CSTF3: variants seen among roughly 807,000 people sequenced by gnomAD.
CSTF3 encodes CF-1 77 kDa subunit.
A neutral mutation model predicts 105.8 loss-of-function variants in CSTF3; 29 were observed. That is an observed-to-expected ratio of 0.27 (90% CI 0.20 to 0.37). The LOEUF is 0.37. Ranked by LOEUF, CSTF3 falls within the 10% of genes least tolerant of loss-of-function variation. CSTF3 has a pLI of 1.00. For missense variants in CSTF3, 357 were observed against 879.3 expected (o/e 0.41, Z 7.51); for synonymous variants, 252 against 281.9 (o/e 0.89, Z 1.06).
At chr11:33,106,997 G>A (rs1056551247) in intron 5 of CSTF3, among the ~76,000 whole-genome samples, 4 of 152,150 alleles carry the variant, frequency 2.6e-5, no homozygotes, top group African/African-American at 7.2e-5. Context: ...CAGACCAGGT[G>A]TGGTGGTTTA....
At chr11:33,127,373 G>A (rs930373230) in intron 3 of CSTF3, among the ~76,000 whole-genome samples, 14 of 152,114 alleles carry the variant, frequency 9.2e-5, no homozygotes, top group Admixed American at 6.6e-5. Context: ...TTAAAAAATT[G>A]TATCAGAACT....
At chr11:33,126,535 T>TAC (rs1159037352) in intron 3 of CSTF3, among the ~76,000 whole-genome samples, 1 of 152,190 alleles carries the variant, frequency 6.6e-6, no homozygotes. Flanking sequence ...CTGAAATACT[T>TAC]AAATATTTAG....
intron 1 of CSTF3, among the ~76,000 whole-genome samples, chr11:33,158,500 G>A (rs1476989586): frequency 6.6e-6 from 1 of 152,110 alleles, no homozygotes; most frequent in Non-Finnish European, 1.5e-5. Flanking sequence ...TACTTCCAAT[G>A]TAAGAGCTGA....
intron 15 of CSTF3, among the ~76,000 whole-genome samples, chr11:33,095,681 C>G (rs1257299409): frequency 6.6e-6 from 1 of 151,226 alleles, no homozygotes; most frequent in African/African-American, 2.4e-5. Context: ...ATTAGCCGGG[C>G]GAGGTGGCGG....
Position 33,099,027 on chromosome 11 carries a change from T to C in CSTF3, c.1053+7A>G. 6.4e-7 allele frequency: 1 copy of C among 1,562,896 alleles called. No homozygotes were observed. The highest frequency in any genetic ancestry group is 1.2e-5 in the South Asian group (1 of 81,774). ...ATTATAAGAAGGCTCTAAACATTTT[T>C]ACTTACCTCTTCATAATCTGCATAT... On this transcript the variant is annotated splice_region_variant and intron_variant, in intron 12 of 20. Transcript: ENST00000323959. The surrounding 1 kb of genome is among the most constrained non-coding windows in gnomAD (Gnocchi z 4.1).
intron 3 of CSTF3, among the ~76,000 whole-genome samples, chr11:33,111,665 C>T (rs144254464): frequency 3.0e-4 from 46 of 152,186 alleles, no homozygotes; most frequent in Middle Eastern, 6.8e-3. Flanking sequence ...TGTATATCTA[C>T]GAAATAACCA....
At chr11:33,106,236 C>A (rs1465745902) in intron 5 of CSTF3, among the ~76,000 whole-genome samples, 172 bp from the exon 6 acceptor site, 1 of 151,770 alleles carries the variant, frequency 6.6e-6, no homozygotes, top group Non-Finnish European at 1.5e-5. Flanking sequence ...ATAGCAAAAC[C>A]CAGTCTCTAA....
At chr11:33,092,179 T>G (rs1231254037) in intron 16 of CSTF3, 92 bp downstream of exon 16, 1 of 768,252 alleles carries the variant, frequency 1.3e-6, no homozygotes, top group Non-Finnish European at 2.0e-6. Context: ...CTCTTGAAAC[T>G]CATACTCAAG....
chr11:33,098,958 A>G, intron 12 of CSTF3, 76 bp downstream of exon 12: 1 of 1,511,956 alleles, frequency 6.6e-7, no homozygotes, highest in Non-Finnish European at 8.8e-7. Context: ...TGCCTGGCAA[A>G]CAAGCAGCCA....
chr11:33,085,374 G>C, intron 20 of CSTF3, 85 bp from the exon 21 acceptor site: 1 of 596,744 alleles, frequency 1.7e-6, no homozygotes, highest in Non-Finnish European at 2.6e-6. Context: ...TTATTTCATA[G>C]CCTACTATTT....
chr11:33,098,809 T>C, intron 12 of CSTF3, 45 bp from the exon 13 acceptor site: 1 of 1,369,814 alleles, frequency 7.3e-7, no homozygotes, highest in Non-Finnish European at 9.8e-7. Flanking sequence ...TGGTCATAAA[T>C]AAGCAGGATT....
chr11:33,124,639 T>A (rs1855525290), intron 3 of CSTF3, among the ~76,000 whole-genome samples: 1 of 152,196 alleles, frequency 6.6e-6, no homozygotes, highest in South Asian at 2.1e-4. Context: ...ACAGAGTGAC[T>A]TTAGGCTAGG....
rs182863409 is a variant in CSTF3 at position 33,109,607 on chromosome 11, A to G, written c.226-1189T>C. 1.2e-4 allele frequency among the ~76,000 whole-genome samples: 19 copies of G among 152,250 alleles called. No individual in the cohort carries two copies. The East Asian group carries it at 1.7e-3, about 14-fold the overall frequency. On this transcript the variant is annotated intron_variant, in intron 3 of 20. Transcript: ENST00000323959. ...CTGATTAAGGGGGATAATAATACCT[A>G]CTTTGTCAGGGCTATTCTGAGGACT... is the stretch of plus-strand genomic sequence containing the variant.
chr11:33,115,871 G>A (rs934709023), intron 3 of CSTF3, among the ~76,000 whole-genome samples: 6 of 152,108 alleles, frequency 3.9e-5, no homozygotes, highest in African/African-American at 1.2e-4. Context: ...TTGAGGCCAG[G>A]AATTTGAGAC....
In CSTF3 at chr11:33,099,022, A is replaced by ATT. The variant is rs1855253189; in HGVS notation, c.1053+10_1053+11dup. 7.0e-6 allele frequency: 11 copies of ATT among 1,561,662 alleles called. No individual in the cohort carries two copies. The South Asian group carries it at 1.3e-4, about 19-fold the overall frequency. The stretch of plus-strand genomic sequence containing the variant: ...ATTGAATTATAAGAAGGCTCTAAAC[A>ATT]TTTTTACTTACCTCTTCATAATCTG... On this transcript the variant is annotated intron_variant, in intron 12 of 20. Coordinates refer to ENST00000323959, the MANE Select transcript of CSTF3 (RefSeq NM_001326.3). The surrounding 1 kb of genome is among the most constrained non-coding windows in gnomAD (Gnocchi z 4.1).
chr11:33,147,217 A>G (rs1855795183), intron 1 of CSTF3, among the ~76,000 whole-genome samples: 1 of 152,054 alleles, frequency 6.6e-6, no homozygotes, highest in Non-Finnish European at 1.5e-5. Context: ...AGATCTCTTG[A>G]GCCCAGGAGT....
At position 33,108,922 on chromosome 11, in the gene CSTF3, T is replaced by C. The variant is rs1855352871; in HGVS notation, c.226-504A>G. On this transcript the variant is annotated intron_variant, in intron 3 of 20. Coordinates refer to ENST00000323959, the MANE Select transcript of CSTF3 (RefSeq NM_001326.3). ...CAAGACAGGTCTGCCCCTGCCCTCA[T>C]AGAGCTTACAATCTTATGGGGAAAA... 3.3e-5 allele frequency among the ~76,000 whole-genome samples: 5 copies of C among 152,178 alleles called. No homozygotes were observed. The South Asian group carries it at 1.0e-3, about 32-fold the overall frequency.
chr11:33,127,007 G>GC (rs1855549895), intron 3 of CSTF3, among the ~76,000 whole-genome samples: 1 of 152,056 alleles, frequency 6.6e-6, no homozygotes, highest in Non-Finnish European at 1.5e-5. Context: ...TAGATCTGAA[G>GC]AAAGTAAAGC....
At chr11:33,119,037 A>C (rs1476733773) in intron 3 of CSTF3, among the ~76,000 whole-genome samples, 1 of 150,324 alleles carries the variant, frequency 6.7e-6, no homozygotes, top group Non-Finnish European at 1.5e-5. Flanking sequence ...TTGCTGAGTT[A>C]ATCTTCCATT....
Sources: allele counts gnomAD v4.1 joint callset (sites outside exome capture counted in the v4.1 genomes callset), GRCh38; gene constraint gnomAD v4.1.1; non-coding constraint Gnocchi (gnomAD v3.1); transcripts MANE v1.5; gene names NCBI Gene and HGNC (gene_info 2026-07-23, HGNC 2026-07-21).